The following KCNIP4 variants were observed in gnomAD, a reference collection of about 807,000 sequenced individuals.
KCNIP4 encodes the protein Kv channel-interacting protein 4.
KCNIP4 carries 12 observed loss-of-function variants against 34.0 expected under a neutral mutation model. The observed-to-expected ratio is 0.35, with a 90% confidence interval of 0.23 to 0.57. The LOEUF is 0.57. Among genes scored for constraint, KCNIP4 ranks in the 20% least tolerant of loss-of-function variants. KCNIP4 has a pLI of 0.83. For missense variants in KCNIP4, 238 were observed against 311.7 expected, an observed-to-expected ratio of 0.76 and a Z score of 1.78; for synonymous variants, 124 against 102.2, an observed-to-expected ratio of 1.21 and a Z score of -1.29.
intron 1 of KCNIP4, among the ~76,000 whole-genome samples, chr4:21,244,313 A>G (rs868214043): frequency 5.3e-5 from 8 of 152,154 alleles, no homozygotes; most frequent in African/African-American, 1.9e-4. Flanking sequence ...CTTTCCTGCC[A>G]CTTTTCCATG....
intron 1 of KCNIP4, among the ~76,000 whole-genome samples, chr4:21,607,972 C>T (rs1031230285): frequency 2.5e-4 from 38 of 152,256 alleles, no homozygotes; most frequent in Middle Eastern, 6.8e-3. Flanking sequence ...TGTATACAGA[C>T]GTGCAAAGTT....
intron 1 of KCNIP4, among the ~76,000 whole-genome samples, chr4:20,907,806 C>T (rs974475242): frequency 6.6e-6 from 1 of 151,968 alleles, no homozygotes; most frequent in Non-Finnish European, 1.5e-5. Context: ...CAAGCTCCGC[C>T]TCCCGGGTTC....
rs772689134 is a variant in KCNIP4 at position 21,025,543 on chromosome 4, G to GTTTTTTTTTT, written c.62-142844_62-142835dup. Among the ~76,000 whole-genome samples, 7 of 34,786 alleles carry GTTTTTTTTTT rather than the reference G, an allele frequency of 2.0e-4. 3 individuals carry two copies. The highest frequency in any genetic ancestry group is 3.0e-4 in the African/African-American group (3 of 9,972). The allele number at this position is 34,786 out of a possible 152,430, so 22.8% of individuals were successfully genotyped here. On this transcript the variant is annotated intron_variant, in intron 1 of 8. Transcript: ENST00000382152. ...TGCAAAAAGGTCACTCATTGATACT[G>GTTTTTTTTTT]TTTTTTTTTTTTTTTTTTTTTTTTT...
chr4:21,918,662 C>T (rs942367671), intron 1 of KCNIP4, among the ~76,000 whole-genome samples: 1 of 152,068 alleles, frequency 6.6e-6, no homozygotes, highest in Non-Finnish European at 1.5e-5. Flanking sequence ...AACAGTGGTG[C>T]GTTTTATTTG....
chr4:21,107,511 T>C (rs1276847767), intron 1 of KCNIP4, among the ~76,000 whole-genome samples: 1 of 150,736 alleles, frequency 6.6e-6, no homozygotes, highest in Non-Finnish European at 1.5e-5. Flanking sequence ...ATGAGATGGG[T>C]TTCCTGAATA....
At position 21,743,325 on chromosome 4, in the gene KCNIP4, C is replaced by G. The variant is rs945985971; in HGVS notation, c.61+205246G>C. Among the ~76,000 whole-genome samples the G allele has an allele frequency of 3.8e-4, 58 of 152,002 alleles. 1 individual carries two copies. Among genetic ancestry groups the G allele is most frequent in the African/African-American group, 1.4e-3 (57 of 41,402 alleles). On this transcript the variant is annotated intron_variant, in intron 1 of 8. Transcript: ENST00000382152. Reference sequence around the variant, plus strand: ...GCCACCCACATTCCTTGGCTCATGGCCCCTGTTCATCCTCAAAACCAGCAA... The same window carrying G: ...GCCACCCACATTCCTTGGCTCATGGGCCCTGTTCATCCTCAAAACCAGCAA...
chr4:20,821,243 G>T (rs369083582), intron 3 of KCNIP4, among the ~76,000 whole-genome samples: 2 of 152,186 alleles, frequency 1.3e-5, no homozygotes, highest in Non-Finnish European at 2.9e-5. Flanking sequence ...GGTGAATGTC[G>T]TTTGCCTTGT....
intron 1 of KCNIP4, among the ~76,000 whole-genome samples, chr4:21,351,632 A>C (rs1718009597): frequency 6.6e-6 from 1 of 152,198 alleles, no homozygotes; most frequent in Non-Finnish European, 1.5e-5. Flanking sequence ...GCATTTAAAG[A>C]GATAGTTAAG....
chr4:21,052,807 G>A (rs1743039379), intron 1 of KCNIP4, among the ~76,000 whole-genome samples: 1 of 152,100 alleles, frequency 6.6e-6, no homozygotes, highest in Admixed American at 6.6e-5. Flanking sequence ...CACTGACTTG[G>A]CACTGTCTGT....
intron 1 of KCNIP4, among the ~76,000 whole-genome samples, chr4:21,581,885 T>A (rs558837815): frequency 6.6e-6 from 1 of 151,958 alleles, no homozygotes; most frequent in South Asian, 2.1e-4. Flanking sequence ...CAGGTCATGA[T>A]CCATTAATGG....
At chr4:21,300,148 T>C (rs184395210) in intron 1 of KCNIP4, among the ~76,000 whole-genome samples, 10 of 152,316 alleles carry the variant, frequency 6.6e-5, no homozygotes, top group Admixed American at 3.9e-4. Context: ...CATAATTTAA[T>C]ACATATTTAG....
chr4:20,864,045 C>CATGTATGTATGTATACGCATGT (rs60717554), intron 2 of KCNIP4, among the ~76,000 whole-genome samples: 1 of 134,258 alleles, frequency 7.4e-6, no homozygotes, highest in Non-Finnish European at 1.8e-5. Flanking sequence ...TATGTATACG[C>CATGTATGTATGTATACGCATGT]ATGTATGTAT....
intron 1 of KCNIP4, among the ~76,000 whole-genome samples, chr4:21,491,563 AGGT>A (rs1417650295): frequency 6.6e-6 from 1 of 151,950 alleles, no homozygotes; most frequent in Non-Finnish European, 1.5e-5. Context: ...TTTATTAAAG[AGGT>A]CTGGCTATGT....
At chr4:21,295,510 C>T (rs779986061) in intron 1 of KCNIP4, among the ~76,000 whole-genome samples, 3 of 152,108 alleles carry the variant, frequency 2.0e-5, no homozygotes, top group Non-Finnish European at 4.4e-5. Context: ...CCTCCCATTA[C>T]CCTGGCAAGC....
chr4:21,134,806 T>C (rs1222241031), intron 1 of KCNIP4, among the ~76,000 whole-genome samples: 1 of 152,190 alleles, frequency 6.6e-6, no homozygotes, highest in African/African-American at 2.4e-5. Context: ...TAACTGTCTT[T>C]TACCTTAGAA....
intron 1 of KCNIP4, among the ~76,000 whole-genome samples, chr4:21,028,971 G>A (rs1379323329): frequency 6.6e-6 from 1 of 152,156 alleles, no homozygotes; most frequent in Non-Finnish European, 1.5e-5. Flanking sequence ...GCTCTTGTGT[G>A]GAGCATGAGT....
chr4:21,326,425 GT>G (rs908644315), intron 1 of KCNIP4, among the ~76,000 whole-genome samples: 2 of 150,050 alleles, frequency 1.3e-5, no homozygotes, highest in East Asian at 2.0e-4. Context: ...CAATCCTGCT[GT>G]TTTTTGGTTT....
chr4:21,244,820 A>G lies in KCNIP4; in HGVS notation c.62-362111T>C, dbSNP rs569553031. Among the ~76,000 whole-genome samples the G allele has an allele frequency of 1.8e-4, 28 of 152,368 alleles. No individual in the cohort carries two copies. The South Asian group carries it at 2.3e-3, about 12-fold the overall frequency. On this transcript the variant is annotated intron_variant, in intron 1 of 8. Coordinates refer to ENST00000382152, the MANE Select transcript of KCNIP4 (RefSeq NM_025221.6). The stretch of plus-strand genomic sequence containing the variant: ...GATACTTTAAGATGCTAAGTCCTCA[A>G]TAACAATAATTAAAGCTTACATCTC...
chr4:21,507,448 G>A lies in KCNIP4; in HGVS notation c.61+441123C>T, dbSNP rs571953904. ...ACCAGCTAATTTTTAGTAGAGACAG[G>A]GTTTGACCGTGTTGCCCAGGCTGGT... On this transcript the variant is annotated intron_variant, in intron 1 of 8. Coordinates refer to ENST00000382152, the MANE Select transcript of KCNIP4 (RefSeq NM_025221.6). Among the ~76,000 whole-genome samples, 262 of 151,932 alleles carry A rather than the reference G, an allele frequency of 1.7e-3. 3 individuals are homozygous for A. In the South Asian group the frequency reaches 0.027, roughly 16 times the overall value.
Sources: gnomAD v4.1 joint callset for allele counts (sites outside exome capture counted in the v4.1 genomes callset) on GRCh38, gnomAD v4.1.1 for gene constraint, MANE v1.5 for transcripts, NCBI Gene and HGNC (gene_info 2026-07-23, HGNC 2026-07-21) for gene names.